The following CYB5R3 variants were observed in gnomAD, a reference collection of about 807,000 sequenced individuals.
The protein encoded by CYB5R3 is cytochrome b5 reductase 3, also known as NADH-cytochrome b5 reductase 3.
Under a neutral mutation model 36.5 loss-of-function variants are expected in CYB5R3, and 28 were observed. The observed-to-expected ratio is 0.77, with a 90% CI of 0.57 to 1.05. The LOEUF is 1.05. Ranked by LOEUF, CYB5R3 falls within the 50% of genes least tolerant of loss-of-function variation. CYB5R3 has a pLI of 0.00. For synonymous variants in CYB5R3, 181 were observed against 159.8 expected (o/e 1.13, Z -1.00); for missense variants, 474 against 408.9 (o/e 1.16, Z -1.37).
chr22:42,627,909 A>G lies in CYB5R3; in HGVS notation c.464-221T>C, dbSNP rs1601934324. 2.6e-5 allele frequency among the ~76,000 whole-genome samples: 4 copies of G among 152,222 alleles called. 1 individual carries two copies. Among genetic ancestry groups the G allele is most frequent in the Non-Finnish European group, 1.5e-5 (1 of 68,012 alleles). ...TTGCTTGCTTGTTTCAGATGCTGAG[A>G]AAGCCAAATAGAGGCTGGCAGTGGG... On this transcript the variant is annotated intron_variant, in intron 5 of 8. Transcript: ENST00000352397.
chr22:42,622,803 A>G (rs2146865893), intron 8 of CYB5R3, among the ~76,000 whole-genome samples: 1 of 152,348 alleles, frequency 6.6e-6, no homozygotes, highest in Non-Finnish European at 1.5e-5. Flanking sequence ...GTCCTGAGGA[A>G]ACTGTGGGGC....
chr22:42,621,110 T>C (rs1194937315), intron 8 of CYB5R3, among the ~76,000 whole-genome samples: 1 of 152,150 alleles, frequency 6.6e-6, no homozygotes, highest in Non-Finnish European at 1.5e-5. Flanking sequence ...AAAAACTGCA[T>C]GGGCATAAAC....
chr22:42,631,020 G>T, intron 3 of CYB5R3, 32 bp from the exon 4 acceptor site: 1 of 1,589,392 alleles, frequency 6.3e-7, no homozygotes, highest in South Asian at 1.1e-5. Context: ...CTCTGGGCCA[G>T]AGATCATCCT....
At chr22:42,642,288 A>AT (rs1164806027) in intron 1 of CYB5R3, among the ~76,000 whole-genome samples, 2 of 151,648 alleles carry the variant, frequency 1.3e-5, no homozygotes, top group African/African-American at 4.8e-5. Context: ...ATTTTTTTGT[A>AT]TTTTTTGTAG....
intron 2 of CYB5R3, among the ~76,000 whole-genome samples, chr22:42,635,306 G>A (rs1037662410): frequency 6.6e-6 from 1 of 151,154 alleles, no homozygotes; most frequent in Non-Finnish European, 1.5e-5. Context: ...GAGTTTCACC[G>A]TGTTAGCCAG....
chr22:42,624,238 G>A (rs953220959), intron 7 of CYB5R3, among the ~76,000 whole-genome samples: 1 of 152,244 alleles, frequency 6.6e-6, no homozygotes, highest in African/African-American at 2.4e-5. Context: ...CGGGAAATGT[G>A]CCAAGATACT....
At chr22:42,624,206 G>C (rs561376893) in intron 7 of CYB5R3, among the ~76,000 whole-genome samples, 1 of 152,192 alleles carries the variant, frequency 6.6e-6, no homozygotes, top group Non-Finnish European at 1.5e-5. Context: ...GCCAAGCTGC[G>C]CGACAGCAAA....
intron 1 of CYB5R3, among the ~76,000 whole-genome samples, chr22:42,642,896 A>C (rs1270789745): frequency 6.6e-6 from 1 of 152,192 alleles, no homozygotes; most frequent in Non-Finnish European, 1.5e-5. Context: ...CCCTGATTGT[A>C]GTTCTCCCAG....
chr22:42,647,126 G>A (rs921417093), intron 1 of CYB5R3: 22 of 279,310 alleles, frequency 7.9e-5, no homozygotes, highest in East Asian at 1.8e-4. Flanking sequence ...TGGGGAGCCC[G>A]TAAGCCAGGA....
At chr22:42,626,831 GGGCA>G (rs949448605) in intron 7 of CYB5R3, among the ~76,000 whole-genome samples, 1 of 83,506 alleles carries the variant, frequency 1.2e-5, no homozygotes, top group African/African-American at 9.1e-5. Flanking sequence ...AGGCCAGGGC[GGGCA>G]GGCAGGCAGT....
At chr22:42,636,304 A>T (rs1686058440) in intron 2 of CYB5R3, among the ~76,000 whole-genome samples, 1 of 152,096 alleles carries the variant, frequency 6.6e-6, no homozygotes. Context: ...GCACCCAGGG[A>T]ATCTGCACAG....
intron 4 of CYB5R3, among the ~76,000 whole-genome samples, chr22:42,629,823 G>C (rs1392546422): frequency 6.6e-6 from 1 of 151,834 alleles, no homozygotes; most frequent in Non-Finnish European, 1.5e-5. Context: ...TTTTTGACTG[G>C]CTCTCATTCT....
intron 1 of CYB5R3, among the ~76,000 whole-genome samples, chr22:42,645,088 G>A (rs764400763): frequency 2.0e-5 from 3 of 152,098 alleles, no homozygotes; most frequent in Non-Finnish European, 2.9e-5. Flanking sequence ...CTGGGTGGGC[G>A]CTGGGCCAAG....
In CYB5R3 at chr22:42,636,829, G is replaced by C; in HGVS notation, c.39C>G (p.Leu13=). ...AQLSTLGHMV[L]FPVWFLYSLL... ...GACTGTACAGGAACCAGACTGGGAA[G>C]AGCACCATATGGCCCAACTGAAACG... Residue 13 remains leucine (L), a synonymous_variant, in exon 2 of 9, where the codon CTC becomes CTG. Coordinates refer to ENST00000352397, the MANE Select transcript of CYB5R3 (RefSeq NM_000398.7). The C allele has an allele frequency of 1.2e-6, 2 of 1,613,784 alleles. No individual in the cohort carries two copies. The highest frequency in any genetic ancestry group is 2.2e-5 in the East Asian group (1 of 44,880).
Position 42,649,270 on chromosome 22 carries a change from G to A in CYB5R3, c.21+25C>T, listed in dbSNP as rs942349999. The stretch of plus-strand genomic sequence containing the variant: ...TCCCAGTCCCTCGCGACGCCCCGCG[G>A]CCCCGGCGCCCCCTCCCCGCCTACC... On this transcript the variant is annotated intron_variant, in intron 1 of 8. Coordinates refer to ENST00000352397, the MANE Select transcript of CYB5R3 (RefSeq NM_000398.7). The A allele has an allele frequency of 3.6e-4, 347 of 975,204 alleles. 3 individuals are homozygous for A. In the African/African-American group the frequency reaches 5.6e-3, roughly 16 times the overall value. The allele number at this position is 975,204 out of a possible 1,614,324, so 60.4% of individuals were successfully genotyped here. A position where few individuals can be genotyped will look rare whatever the true frequency, so the allele number is the denominator to read the frequency against.
At chr22:42,634,799 TATTG>T (rs1219377421) in intron 2 of CYB5R3, among the ~76,000 whole-genome samples, 6 of 88,102 alleles carry the variant, frequency 6.8e-5, no homozygotes, top group Non-Finnish European at 1.3e-4. Context: ...CTAATTTTCA[TATTG>T]ATTGATTGAT....
At chr22:42,639,346 G>GGT (rs1929104898) in intron 1 of CYB5R3, among the ~76,000 whole-genome samples, 1 of 147,178 alleles carries the variant, frequency 6.8e-6, no homozygotes, top group African/African-American at 2.5e-5. Context: ...AGTGGGGGGG[G>GGT]ACCGGGCACG....
rs1246694902 is a variant in CYB5R3 at position 42,617,851 on chromosome 22, A to G, written c.*1922T>C. Reference sequence around the variant, plus strand: ...CCTATCTTCTTCGATCTGTTTCTGAAAGTTTATTCCACAAGCTGGTTCCAA... The same window carrying G: ...CCTATCTTCTTCGATCTGTTTCTGAGAGTTTATTCCACAAGCTGGTTCCAA... On this transcript the variant is annotated 3_prime_UTR_variant, in exon 9 of 9. Coordinates refer to ENST00000352397, the MANE Select transcript of CYB5R3 (RefSeq NM_000398.7). 1.3e-5 allele frequency: 2 copies of G among 152,232 alleles called. No homozygotes were observed. The highest frequency in any genetic ancestry group is 1.9e-4 in the East Asian group (1 of 5,194). 9.4% of individuals were successfully genotyped at this position (152,232 alleles called of 1,614,324 possible). A position where few individuals can be genotyped will look rare whatever the true frequency, so the allele number is the denominator to read the frequency against.
chr22:42,644,274 C>T, intron 1 of CYB5R3: 2 of 644,624 alleles, frequency 3.1e-6, no homozygotes, highest in Non-Finnish European at 5.7e-6. Flanking sequence ...TGAGCACCTG[C>T]CCCCAGCCCC....
Sources: allele counts gnomAD v4.1 joint callset (sites outside exome capture counted in the v4.1 genomes callset), GRCh38; gene constraint gnomAD v4.1.1; transcripts MANE v1.5; gene names NCBI Gene and HGNC (gene_info 2026-07-23, HGNC 2026-07-21).